Variants in NBEA observed in about 807,000 individuals in gnomAD.
NBEA encodes lysosomal-trafficking regulator 2.
In NBEA, 44 loss-of-function variants were observed where a neutral mutation model predicts 343.4. The observed-to-expected ratio is 0.13, with a 90% CI of 0.10 to 0.16. The LOEUF is 0.16. NBEA is among the 10% of genes least tolerant of loss of function. The probability of loss-of-function intolerance (pLI) is 1.00; values close to 1 mark genes in which losing one functional copy is unlikely to be tolerated. For synonymous variants in NBEA, 1,175 were observed against 1,238.7 expected, an observed-to-expected ratio of 0.95 and a Z score of 1.08; for missense variants, 2,555 against 3,631.3, an observed-to-expected ratio of 0.70 and a Z score of 7.62.
intron 34 of NBEA, among the ~76,000 whole-genome samples, chr13:35,264,906 A>G (rs981782257): frequency 1.3e-5 from 2 of 151,898 alleles, no homozygotes; most frequent in Non-Finnish European, 2.9e-5. Context: ...GGCAAGAGAA[A>G]GAAATAAAAT....
At chr13:35,417,932 A>T (rs1310610013) in intron 38 of NBEA, among the ~76,000 whole-genome samples, 1 of 151,820 alleles carries the variant, frequency 6.6e-6, no homozygotes, top group Non-Finnish European at 1.5e-5. Flanking sequence ...TTTTGGATGC[A>T]GTGCATATAT....
intron 1 of NBEA, among the ~76,000 whole-genome samples, chr13:35,028,777 A>G (rs74995614): frequency 0.027 from 4,120 of 150,218 alleles, 81 homozygotes; most frequent in South Asian, 0.076. Flanking sequence ...ATACCCCCAC[A>G]TTTCCCCCTT....
At chr13:35,412,493 A>G (rs1307810558) in intron 38 of NBEA, among the ~76,000 whole-genome samples, 1 of 152,034 alleles carries the variant, frequency 6.6e-6, no homozygotes, top group Non-Finnish European at 1.5e-5. Context: ...TTTTAACTAT[A>G]AGTTTGTTTT....
chr13:35,222,284 TC>T (rs2152762372), intron 33 of NBEA, among the ~76,000 whole-genome samples: 1 of 152,250 alleles, frequency 6.6e-6, no homozygotes, highest in Non-Finnish European at 1.5e-5. Flanking sequence ...TACATGACTT[TC>T]TTTATTTTAG....
intron 36 of NBEA, among the ~76,000 whole-genome samples, chr13:35,314,152 C>T (rs1041742357): frequency 6.6e-6 from 1 of 151,884 alleles, no homozygotes; most frequent in Non-Finnish European, 1.5e-5. Context: ...TGCCTTCTGT[C>T]TATGAAGTGG....
chr13:35,563,600 CATT>C (rs2079986945), intron 44 of NBEA, among the ~76,000 whole-genome samples: 1 of 151,636 alleles, frequency 6.6e-6, no homozygotes, highest in Non-Finnish European at 1.5e-5. Flanking sequence ...TAAAAACAAG[CATT>C]AATGTCATAT....
At chr13:35,641,744 C>T (rs2083961358) in intron 49 of NBEA, among the ~76,000 whole-genome samples, 1 of 151,982 alleles carries the variant, frequency 6.6e-6, no homozygotes, top group Non-Finnish European at 1.5e-5. Context: ...ATGTACCCAC[C>T]ACCCAGACCA....
intron 41 of NBEA, among the ~76,000 whole-genome samples, chr13:35,521,755 G>A (rs1478981666): frequency 2.0e-5 from 3 of 152,174 alleles, no homozygotes; most frequent in African/African-American, 7.2e-5. Context: ...GGCAACAAAT[G>A]TTCACCCTGG....
intron 48 of NBEA, among the ~76,000 whole-genome samples, chr13:35,615,362 G>T (rs2082695582): frequency 6.7e-6 from 1 of 149,814 alleles, no homozygotes; most frequent in South Asian, 2.1e-4. Context: ...TATTTTTTTT[G>T]AGACAGAGTC....
intron 10 of NBEA, among the ~76,000 whole-genome samples, chr13:35,084,409 G>A (rs1244207892): frequency 6.6e-6 from 1 of 152,080 alleles, no homozygotes; most frequent in Non-Finnish European, 1.5e-5. Context: ...AGTCAAACTA[G>A]AACTCAGGAT....
intron 38 of NBEA, among the ~76,000 whole-genome samples, chr13:35,402,912 C>T (rs2043064725): frequency 6.6e-6 from 1 of 151,962 alleles, no homozygotes; most frequent in African/African-American, 2.4e-5. Context: ...GCAAATAATT[C>T]CCTCCTACAA....
At chr13:35,220,507 T>C (rs2074304811) in intron 33 of NBEA, among the ~76,000 whole-genome samples, 1 of 152,206 alleles carries the variant, frequency 6.6e-6, no homozygotes, top group Non-Finnish European at 1.5e-5. Flanking sequence ...ATTATTTTCT[T>C]ATAGTGCTTT....
At chr13:35,563,701 G>A (rs2079994182) in intron 44 of NBEA, among the ~76,000 whole-genome samples, 1 of 150,958 alleles carries the variant, frequency 6.6e-6, no homozygotes. Flanking sequence ...TTTCTTTTTA[G>A]CACTTATTTT....
intron 19 of NBEA, 57 bp downstream of exon 19, chr13:35,155,912 C>A: frequency 6.5e-7 from 1 of 1,540,810 alleles, no homozygotes; most frequent in Non-Finnish European, 9.0e-7. Flanking sequence ...ACATATGAGA[C>A]TAAATCAAAA....
chr13:35,313,607 G>A lies in NBEA; in HGVS notation c.5903+4015G>A, dbSNP rs193045110. ...CCAAACTTAATGCTGGTGAACACCT[G>A]TGTGCTAAAGAAGCTGGGTGTAGAT... On this transcript the variant is annotated intron_variant, in intron 36 of 58. Transcript: ENST00000379939. Among the ~76,000 whole-genome samples, 19 of 152,290 alleles carry A rather than the reference G, an allele frequency of 1.2e-4. No individual in the cohort carries two copies. In the East Asian group the frequency reaches 3.3e-3, roughly 26 times the overall value.
intron 1 of NBEA, among the ~76,000 whole-genome samples, chr13:35,021,341 A>T (rs1448471563): frequency 6.6e-6 from 1 of 152,152 alleles, no homozygotes; most frequent in East Asian, 1.9e-4. Context: ...TTGCAAGAAA[A>T]AGTTTGCTGA....
chr13:35,377,644 A>C (rs1426041266), intron 38 of NBEA, among the ~76,000 whole-genome samples: 1 of 152,156 alleles, frequency 6.6e-6, no homozygotes, highest in Non-Finnish European at 1.5e-5. Flanking sequence ...GTACCTATCT[A>C]TCCCTGATAT....
chr13:35,663,390 A>C (rs983112892), intron 55 of NBEA, among the ~76,000 whole-genome samples: 2 of 152,208 alleles, frequency 1.3e-5, no homozygotes, highest in African/African-American at 4.8e-5. Context: ...TGCCTGGCTA[A>C]TTTCACTTAA....
chr13:35,196,258 A>G lies in NBEA; in HGVS notation c.5322A>G (p.Arg1774=), dbSNP rs367828418. 2 of 1,613,382 alleles carry G rather than the reference A, an allele frequency of 1.2e-6. No individual in the cohort carries two copies. The highest frequency in any genetic ancestry group is 2.7e-5 in the African/African-American group (2 of 74,914). Residue 1774 remains arginine (R), a synonymous_variant, in exon 31 of 59, where the codon AGA becomes AGG. Coordinates refer to ENST00000379939, the MANE Select transcript of NBEA (RefSeq NM_001385012.1). ...CATACCCAGATCCAGCATTGAAGAG[A>G]GAAACACAAGCTATTCTTCCTATGC... The part of the protein sequence containing the change: ...PIPYPDPALK[R]ETQAILPMQF...
Sources: allele counts gnomAD v4.1 joint callset (sites outside exome capture counted in the v4.1 genomes callset), GRCh38; gene constraint gnomAD v4.1.1; transcripts MANE v1.5; gene names NCBI Gene and HGNC (gene_info 2026-07-23, HGNC 2026-07-21).